SLC35D2: variants seen among roughly 807,000 people sequenced by gnomAD.
SLC35D2 encodes nucleotide sugar transporter SLC35D2.
Under a neutral mutation model 41.8 loss-of-function variants are expected in SLC35D2, and 43 were observed. The ratio of observed to expected loss-of-function variants is 1.03; its 90% CI spans 0.81 to 1.33. The LOEUF (loss-of-function observed/expected upper bound fraction) is 1.33. Ranked by LOEUF, SLC35D2 falls within the 40% of genes most tolerant of loss-of-function variation. The probability of loss-of-function intolerance (pLI) is 0.00; values close to 1 mark genes in which losing one functional copy is unlikely to be tolerated. For missense variants in SLC35D2, 380 were observed against 408.4 expected (o/e 0.93, Z 0.60); for synonymous variants, 150 against 163.9 (o/e 0.92, Z 0.65).
intron 2 of SLC35D2, among the ~76,000 whole-genome samples, chr9:96,367,390 CTATT>C (rs1217815860): frequency 9.9e-5 from 15 of 152,040 alleles, no homozygotes; most frequent in Non-Finnish European, 1.2e-4. Flanking sequence ...GTATCTGTTA[CTATT>C]TATTTATCTG....
rs144817549 is a variant in SLC35D2, at chr9:96,331,376, G to A, written c.752+5341C>T. Among the ~76,000 whole-genome samples, 389 of 152,062 alleles carry A rather than the reference G, an allele frequency of 2.6e-3. 4 individuals are homozygous for A. The highest frequency in any genetic ancestry group is 8.9e-3 in the African/African-American group (370 of 41,462). The stretch of plus-strand genomic sequence containing the variant: ...CCAGACAAATGAATAATTGTTCCTC[G>A]ACCCCTCCTTTCACATGTAACACGT... On this transcript the variant is annotated intron_variant, in intron 9 of 11. Transcript: ENST00000253270.
chr9:96,350,109 G>A (rs1454823775), intron 6 of SLC35D2, among the ~76,000 whole-genome samples: 1 of 152,024 alleles, frequency 6.6e-6, no homozygotes, highest in African/African-American at 2.4e-5. Context: ...AGGTACAGAT[G>A]ACACGTAAGT....
intron 5 of SLC35D2, among the ~76,000 whole-genome samples, chr9:96,351,495 AT>A (rs1422416706): frequency 2.6e-5 from 4 of 152,128 alleles, no homozygotes; most frequent in African/African-American, 9.6e-5. Flanking sequence ...TTATGATAAA[AT>A]TCAATACAAG....
intron 3 of SLC35D2, among the ~76,000 whole-genome samples, chr9:96,362,604 G>GT (rs1036431506): frequency 3.3e-5 from 5 of 152,058 alleles, no homozygotes; most frequent in African/African-American, 1.2e-4. Context: ...AGGATAGTGG[G>GT]TAAGGAAGAC....
chr9:96,378,644 G>A (rs929501350), intron 1 of SLC35D2, among the ~76,000 whole-genome samples: 9 of 152,066 alleles, frequency 5.9e-5, no homozygotes, highest in South Asian at 2.1e-4. Flanking sequence ...GGTAGCTCAC[G>A]CTAGTAATCT....
intron 8 of SLC35D2, among the ~76,000 whole-genome samples, chr9:96,340,869 C>A (rs1410274932): frequency 6.6e-6 from 1 of 152,110 alleles, no homozygotes; most frequent in African/African-American, 2.4e-5. Flanking sequence ...TCTAAAGGAA[C>A]TTCTGTTTGA....
chr9:96,370,454 C>T (rs979332393), intron 1 of SLC35D2, among the ~76,000 whole-genome samples: 6 of 152,010 alleles, frequency 3.9e-5, no homozygotes, highest in African/African-American at 1.4e-4. Flanking sequence ...GTCAGGAGTT[C>T]GAGGCCAGCC....
At chr9:96,370,028 A>C (rs960575134) in intron 1 of SLC35D2, among the ~76,000 whole-genome samples, 3 of 152,144 alleles carry the variant, frequency 2.0e-5, no homozygotes, top group African/African-American at 4.8e-5. Context: ...CACAGAAGCA[A>C]CCATTCCCCA....
At chr9:96,340,076 G>C (rs1267851741) in intron 8 of SLC35D2, among the ~76,000 whole-genome samples, 1 of 152,086 alleles carries the variant, frequency 6.6e-6, no homozygotes, top group Non-Finnish European at 1.5e-5. Flanking sequence ...TTATATTACA[G>C]GCTAACACAC....
At chr9:96,368,349 A>C in intron 1 of SLC35D2, 44 bp from the exon 2 acceptor site, 4 of 1,481,886 alleles carry the variant, frequency 2.7e-6, no homozygotes, top group South Asian at 1.2e-5. Context: ...CAAATATAAA[A>C]CTCTGAAGAT....
intron 6 of SLC35D2, among the ~76,000 whole-genome samples, chr9:96,347,753 T>C (rs898359178): frequency 6.6e-6 from 1 of 152,120 alleles, no homozygotes; most frequent in Middle Eastern, 3.2e-3. Context: ...TAAGGCATTC[T>C]AAGTCACAGG....
At chr9:96,349,236 T>C (rs1212146585) in intron 6 of SLC35D2, among the ~76,000 whole-genome samples, 1 of 152,208 alleles carries the variant, frequency 6.6e-6, no homozygotes, top group African/African-American at 2.4e-5. Context: ...AGACAAGGAA[T>C]GCAGCCACAT....
At chr9:96,327,866 C>T (rs1054803385) in intron 9 of SLC35D2, among the ~76,000 whole-genome samples, 1 of 149,286 alleles carries the variant, frequency 6.7e-6, no homozygotes, top group African/African-American at 2.5e-5. Context: ...AAGCAATCCT[C>T]CCTCTCTGGC....
At chr9:96,322,109 T>C (rs772108595) in intron 10 of SLC35D2, 29 bp from the exon 11 acceptor site, 2 of 1,403,588 alleles carry the variant, frequency 1.4e-6, no homozygotes, top group African/African-American at 2.9e-5. Flanking sequence ...GATTCGTCAT[T>C]TTAAAAGTAA....
chr9:96,358,105 T>TATAC lies in SLC35D2; in HGVS notation c.347+2045_347+2048dup, dbSNP rs1830116397. The stretch of plus-strand genomic sequence containing the variant: ...TTATATATATATATATATATATATA[T>TATAC]ATACCTGCAATGGAATATTAATCAG... On this transcript the variant is annotated intron_variant, in intron 4 of 11. Transcript: ENST00000253270. Among the ~76,000 whole-genome samples the TATAC allele has an allele frequency of 7.0e-5, 10 of 143,534 alleles. No homozygotes were observed. In the South Asian group the frequency reaches 1.3e-3, roughly 19 times the overall value. 94.2% of individuals were successfully genotyped at this position (143,534 alleles called of 152,430 possible).
At chr9:96,365,575 T>G (rs2130993939) in intron 2 of SLC35D2, among the ~76,000 whole-genome samples, 1 of 152,238 alleles carries the variant, frequency 6.6e-6, no homozygotes. Context: ...CACGGGAACA[T>G]TCTTTTAAAA....
chr9:96,319,738 G>T (rs374449696), downstream of SLC35D2, among the ~76,000 whole-genome samples: 2 of 152,006 alleles, frequency 1.3e-5, no homozygotes, highest in Non-Finnish European at 2.9e-5. Context: ...AGGCTCAAGC[G>T]ATTTTCCCAC....
At chr9:96,321,905 G>A in intron 11 of SLC35D2, 93 bp downstream of exon 11, 1 of 729,362 alleles carries the variant, frequency 1.4e-6, no homozygotes, top group Admixed American at 2.6e-5. Flanking sequence ...TAACGTGAAA[G>A]ACTTCTCCAG....
chr9:96,374,683 A>T (rs1350152298), intron 1 of SLC35D2, among the ~76,000 whole-genome samples: 5 of 138,568 alleles, frequency 3.6e-5, no homozygotes, highest in South Asian at 4.7e-4. Flanking sequence ...AAAAATAAAA[A>T]AAAAATTAGC....
Sources: gnomAD v4.1 joint callset for allele counts (sites outside exome capture counted in the v4.1 genomes callset) on GRCh38, gnomAD v4.1.1 for gene constraint, MANE v1.5 for transcripts, NCBI Gene and HGNC (gene_info 2026-07-23, HGNC 2026-07-21) for gene names.